PTMA: variants seen among roughly 807,000 people sequenced by gnomAD.
The protein encoded by PTMA is gene sequence 28.
In PTMA, 4 loss-of-function variants were observed where a neutral mutation model predicts 16.9. That is an observed-to-expected ratio of 0.24 (90% CI 0.12 to 0.54). PTMA has a LOEUF of 0.54. PTMA is among the 20% of genes least tolerant of loss of function. The probability of loss-of-function intolerance (pLI) is 0.95; values close to 1 mark genes in which losing one functional copy is unlikely to be tolerated. For synonymous variants in PTMA, 58 were observed against 47.9 expected (o/e 1.21, Z -0.87); for missense variants, 120 against 137.7 (o/e 0.87, Z 0.64).
intron 1 of PTMA, chr2:231,711,113 C>T (rs994470414): frequency 1.0e-5 from 4 of 393,792 alleles, no homozygotes; most frequent in Non-Finnish European, 1.9e-5. Flanking sequence ...GCCACCGGGG[C>T]CGCTGTAGCG....
rs555299518 is a variant in PTMA at position 231,711,466 on chromosome 2, A to C, written c.117+47A>C. 3.0e-5 allele frequency: 48 copies of C among 1,574,600 alleles called. No homozygotes were observed. In the African/African-American group the frequency reaches 5.3e-4, roughly 17 times the overall value. On this transcript the variant is annotated intron_variant, in intron 2 of 4. Transcript: ENST00000409115. ...GAGCCCTGGCAGCTACCGCCCCACA[A>C]AATTTTTCCTGTTCTACTTTAAACA...
At position 231,711,472 on chromosome 2, in the gene PTMA, T is replaced by C. The variant is rs575698981; in HGVS notation, c.117+53T>C. The stretch of plus-strand genomic sequence containing the variant: ...TGGCAGCTACCGCCCCACAAAATTT[T>C]TCCTGTTCTACTTTAAACATACCTA... On this transcript the variant is annotated intron_variant, in intron 2 of 4. Transcript: ENST00000409115. The C allele has an allele frequency of 5.1e-5, 79 of 1,552,670 alleles. 1 individual carries two copies. In the Admixed American group the frequency reaches 8.7e-4, roughly 17 times the overall value.
intron 1 of PTMA, chr2:231,710,348 G>C (rs571598819): frequency 1.6e-6 from 2 of 1,213,780 alleles, no homozygotes; most frequent in South Asian, 4.1e-5. Context: ...CCCTGCGCGC[G>C]GTGCGTGCCG....
intron 3 of PTMA, 33 bp from the exon 4 acceptor site, chr2:231,712,410 A>C: frequency 1.3e-6 from 2 of 1,593,478 alleles, no homozygotes; most frequent in Non-Finnish European, 1.7e-6. Flanking sequence ...GTAGGAGGGA[A>C]GTGTGGTTTA....
chr2:231,709,450 C>G (rs535211834), intron 1 of PTMA, among the ~76,000 whole-genome samples: 3 of 152,290 alleles, frequency 2.0e-5, no homozygotes, highest in South Asian at 2.1e-4. Context: ...ACCCGCGGTG[C>G]CGGGCTTGGC....
In PTMA at chr2:231,711,360, A is replaced by G; in HGVS notation, c.58A>G (p.Lys20Glu). 6.2e-7 allele frequency: 1 copy of G among 1,613,986 alleles called. No homozygotes were observed. The highest frequency in any genetic ancestry group is 1.1e-5 in the South Asian group (1 of 91,080). ...SEITTKDLKEKKEVVEEAENG... is the reference protein window; with the variant it reads ...SEITTKDLKEEKEVVEEAENG... ...TTCCCTTTTGAAGGACTTAAAGGAG[A>G]AGAAGGAAGTTGTGGAAGAGGCAGA... Residue 20 changes from lysine to glutamate, a missense_variant, in exon 2 of 5, where the codon AAG (lysine) becomes GAG (glutamate). By Grantham distance (56) the Lys-to-Glu change is moderately conservative. Coordinates refer to ENST00000409115, the MANE Select transcript of PTMA (RefSeq NM_002823.5).
At position 231,709,869 on chromosome 2, in the gene PTMA, C is replaced by G. The variant is rs1053898163; in HGVS notation, c.45+1118C>G. On this transcript the variant is annotated intron_variant, in intron 1 of 4. Transcript: ENST00000409115. ...TTGGCGCGAGTCACCTTGGCGTCTCCTTAACCCTTGTGTCCCTGGCGTCAT... is the reference window on the plus strand; with the variant it reads ...TTGGCGCGAGTCACCTTGGCGTCTCGTTAACCCTTGTGTCCCTGGCGTCAT... The G allele has an allele frequency of 3.6e-5, 10 of 280,324 alleles. No individual in the cohort carries two copies. The Middle Eastern group carries it at 3.1e-3, about 87-fold the overall frequency. 17.4% of individuals were successfully genotyped at this position (280,324 alleles called of 1,614,324 possible). A position where few individuals can be genotyped will look rare whatever the true frequency, so the allele number is the denominator to read the frequency against.
chr2:231,710,679 G>A (rs1169209461), intron 1 of PTMA: 1 of 426,072 alleles, frequency 2.3e-6, no homozygotes, highest in South Asian at 1.7e-5. Flanking sequence ...CCCCCGAGGT[G>A]CTGTCGGGAT....
At chr2:231,708,813 C>A (rs2048474115) in intron 1 of PTMA, 62 bp downstream of exon 1, 2 of 1,559,378 alleles carry the variant, frequency 1.3e-6, no homozygotes, top group Non-Finnish European at 1.7e-6. Flanking sequence ...CGGTGTTTGG[C>A]GCGCAGCAGC....
At chr2:231,712,631 G>T in intron 4 of PTMA, 115 bp downstream of exon 4, 1 of 1,339,518 alleles carries the variant, frequency 7.5e-7, no homozygotes. Flanking sequence ...TGGCCACTGT[G>T]TGGTCCTGAA....
chr2:231,711,546 C>T (rs1043140208), intron 2 of PTMA, 127 bp downstream of exon 2: 6 of 893,312 alleles, frequency 6.7e-6, no homozygotes, highest in South Asian at 1.6e-5. Flanking sequence ...GTGGCAGTAT[C>T]GTAGCCAATG....
chr2:231,711,490 C>T (rs899489070), intron 2 of PTMA, 71 bp downstream of exon 2: 4 of 1,392,438 alleles, frequency 2.9e-6, no homozygotes, highest in South Asian at 2.3e-5. Context: ...CTACTTTAAA[C>T]ATACCTATAT....
chr2:231,708,614 C>G lies in PTMA; in HGVS notation c.-93C>G. ...AGCCGCCTCCGCCGCGCGCCTCCTC[C>G]GCCGCCGCGGACTCCGGCAGCTTTA... is the stretch of plus-strand genomic sequence containing the variant. On this transcript the variant is annotated 5_prime_UTR_variant, in exon 1 of 5. Coordinates refer to ENST00000409115, the MANE Select transcript of PTMA (RefSeq NM_002823.5). The G allele has an allele frequency of 6.5e-7, 1 of 1,539,528 alleles. No homozygotes were observed. Among genetic ancestry groups the G allele is most frequent in the South Asian group, 1.1e-5 (1 of 89,462 alleles).
Position 231,708,647 on chromosome 2 carries a change from A to T in PTMA, c.-60A>T. The stretch of plus-strand genomic sequence containing the variant: ...CGGACTCCGGCAGCTTTATCGCCAG[A>T]GTCCCTGAACTCTCGCTTTCTTTTT... On this transcript the variant is annotated 5_prime_UTR_variant, in exon 1 of 5. Coordinates refer to ENST00000409115, the MANE Select transcript of PTMA (RefSeq NM_002823.5). 1 of 1,592,124 alleles carries T rather than the reference A, an allele frequency of 6.3e-7. No individual in the cohort carries two copies. Among genetic ancestry groups the T allele is most frequent in the African/African-American group, 1.3e-5 (1 of 74,744 alleles).
intron 1 of PTMA, chr2:231,710,568 C>T (rs537722811): frequency 1.6e-5 from 9 of 550,976 alleles, no homozygotes; most frequent in African/African-American, 8.1e-5. Context: ...TCCCGCAGGC[C>T]CGGACGCCGG....
chr2:231,709,104 A>G (rs2048481027), intron 1 of PTMA, among the ~76,000 whole-genome samples: 1 of 151,950 alleles, frequency 6.6e-6, no homozygotes, highest in Non-Finnish European at 1.5e-5. Context: ...GGGCGCACGG[A>G]AATAACTTTG....
At chr2:231,712,604 GT>G in intron 4 of PTMA, 88 bp downstream of exon 4, 4 of 1,460,458 alleles carry the variant, frequency 2.7e-6, no homozygotes, top group Non-Finnish European at 1.9e-6. Flanking sequence ...CGGAGGGACT[GT>G]TTCTGACTTT....
At position 231,711,368 on chromosome 2, in the gene PTMA, A is replaced by G. The variant is rs753525883; in HGVS notation, c.66A>G (p.Glu22=). The part of the protein sequence containing the change: ...ITTKDLKEKK[E]VVEEAENGRD... ...TGAAGGACTTAAAGGAGAAGAAGGA[A>G]GTTGTGGAAGAGGCAGAAAATGGAA... The change falls in exon 2 of 5, where the codon GAA becomes GAG. Residue 22 remains glutamate, a synonymous_variant. Transcript: ENST00000409115. The G allele has an allele frequency of 3.5e-5, 57 of 1,613,982 alleles. No individual in the cohort carries two copies. The South Asian group carries it at 6.0e-4, about 17-fold the overall frequency.
intron 4 of PTMA, 47 bp downstream of exon 4, chr2:231,712,563 C>T: frequency 1.3e-6 from 2 of 1,589,356 alleles, no homozygotes; most frequent in Middle Eastern, 1.7e-4. Context: ...CTGGGTCTCC[C>T]CACCTGCCTT....
Sources: gnomAD v4.1 joint callset for allele counts (sites outside exome capture counted in the v4.1 genomes callset) on GRCh38, gnomAD v4.1.1 for gene constraint, MANE v1.5 for transcripts, NCBI Gene and HGNC (gene_info 2026-07-23, HGNC 2026-07-21) for gene names.